The following DLGAP1 variants were observed in gnomAD, a reference collection of about 807,000 sequenced individuals.
The protein encoded by DLGAP1 is disks large-associated protein 1.
Under a neutral mutation model 90.8 loss-of-function variants are expected in DLGAP1, and 11 were observed. That is an observed-to-expected ratio of 0.12 (90% CI 0.08 to 0.20). The LOEUF is 0.20. Among genes scored for constraint, DLGAP1 ranks in the 10% least tolerant of loss-of-function variants. The pLI is 1.00. For missense variants in DLGAP1, 1,050 were observed against 1,333.8 expected (o/e 0.79, Z 3.31); for synonymous variants, 558 against 540.7 (o/e 1.03, Z -0.44).
At chr18:3,738,258 G>T (rs1375319005) in intron 6 of DLGAP1, among the ~76,000 whole-genome samples, 1 of 147,484 alleles carries the variant, frequency 6.8e-6, no homozygotes, top group Non-Finnish European at 1.5e-5. Flanking sequence ...TTTCTTCACA[G>T]AATTGGAAAA....
chr18:4,093,954 CAATTT>C (rs1258549361), intron 2 of DLGAP1, among the ~76,000 whole-genome samples: 4 of 152,148 alleles, frequency 2.6e-5, no homozygotes, highest in East Asian at 1.9e-4. Flanking sequence ...TTTTAAACTT[CAATTT>C]AATTTAAGAC....
intron 1 of DLGAP1, among the ~76,000 whole-genome samples, chr18:4,205,779 C>T (rs1305291012): frequency 1.3e-5 from 2 of 152,196 alleles, no homozygotes; most frequent in Non-Finnish European, 2.9e-5. Flanking sequence ...GAGAATGTTT[C>T]CATTTCACCC....
intron 7 of DLGAP1, among the ~76,000 whole-genome samples, chr18:3,636,976 G>C (rs1238674858): frequency 6.6e-6 from 1 of 151,986 alleles, no homozygotes; most frequent in African/African-American, 2.4e-5. Flanking sequence ...ACCCGCCTCG[G>C]CATCCCAAAA....
chr18:3,590,937 T>C (rs1304396106), intron 7 of DLGAP1, among the ~76,000 whole-genome samples: 3 of 151,882 alleles, frequency 2.0e-5, no homozygotes, highest in Non-Finnish European at 4.4e-5. Flanking sequence ...TTTTATAGAG[T>C]GTTTTACCTG....
intron 3 of DLGAP1, among the ~76,000 whole-genome samples, chr18:3,998,676 A>T (rs757076580): frequency 9.9e-5 from 15 of 152,144 alleles, no homozygotes; most frequent in Non-Finnish European, 1.5e-5. Context: ...CAAGTAGAGG[A>T]CTTTTTTCAC....
intron 7 of DLGAP1, among the ~76,000 whole-genome samples, chr18:3,585,487 G>A (rs573174367): frequency 9.2e-5 from 14 of 152,320 alleles, no homozygotes; most frequent in Admixed American, 2.6e-4. Flanking sequence ...TCTTTACAAC[G>A]TGAACTCACT....
rs75933561 is a variant in DLGAP1 at position 4,087,028 on chromosome 18, G to T, written c.-159+64152C>A. The stretch of plus-strand genomic sequence containing the variant: ...TAGTTCTGAAGTCTACCTTGTCTGA[G>T]ATATATATATATACACAAACACATA... On this transcript the variant is annotated intron_variant, in intron 2 of 12. Coordinates refer to ENST00000315677, the MANE Select transcript of DLGAP1 (RefSeq NM_004746.4). 4.1e-5 allele frequency among the ~76,000 whole-genome samples: 5 copies of T among 121,936 alleles called. 1 individual carries two copies. The highest frequency in any genetic ancestry group is 8.1e-5 in the Admixed American group (1 of 12,390). The allele number at this position is 121,936 out of a possible 152,430, so 80.0% of individuals were successfully genotyped here. A position where few individuals can be genotyped will look rare whatever the true frequency, so the allele number is the denominator to read the frequency against.
At chr18:4,233,096 C>G (rs1378548215) in intron 1 of DLGAP1, among the ~76,000 whole-genome samples, 1 of 152,048 alleles carries the variant, frequency 6.6e-6, no homozygotes. Context: ...TCTCCCATAC[C>G]TTTCATCCAT....
intron 1 of DLGAP1, among the ~76,000 whole-genome samples, chr18:4,379,339 T>G (rs1387911687): frequency 6.6e-6 from 1 of 152,138 alleles, no homozygotes; most frequent in Non-Finnish European, 1.5e-5. Flanking sequence ...TGTGTCTTCA[T>G]TTTCTTTGGT....
At chr18:4,072,577 C>T (rs1289033295) in intron 2 of DLGAP1, among the ~76,000 whole-genome samples, 1 of 151,612 alleles carries the variant, frequency 6.6e-6, no homozygotes, top group Non-Finnish European at 1.5e-5. Flanking sequence ...TCAAGTGATT[C>T]TTCTGCCTCA....
intron 7 of DLGAP1, among the ~76,000 whole-genome samples, chr18:3,680,788 CA>C (rs71160910): frequency 4.7e-3 from 448 of 94,708 alleles, no homozygotes; most frequent in African/African-American, 0.012. Flanking sequence ...GACTCCGTCT[CA>C]AAAAAAAAAA....
chr18:3,673,671 C>T (rs574804867), intron 7 of DLGAP1, among the ~76,000 whole-genome samples: 28 of 151,926 alleles, frequency 1.8e-4, no homozygotes, highest in African/African-American at 3.9e-4. Flanking sequence ...CTCAGCTTCC[C>T]GAGCAGCTGG....
intron 4 of DLGAP1, among the ~76,000 whole-genome samples, chr18:3,833,626 T>C (rs2052353): frequency 0.021 from 3,238 of 152,306 alleles, 91 homozygotes; most frequent in East Asian, 0.07. Flanking sequence ...GGGAGGCATT[T>C]GGGTATCATG....
At chr18:3,522,662 C>T (rs1023464730) in intron 10 of DLGAP1, among the ~76,000 whole-genome samples, 5 of 151,336 alleles carry the variant, frequency 3.3e-5, no homozygotes, top group Middle Eastern at 3.2e-3. Context: ...CCCACCTCAG[C>T]TTCCCAAGTA....
chr18:3,969,664 A>G (rs1468238061), intron 3 of DLGAP1, among the ~76,000 whole-genome samples: 1 of 152,168 alleles, frequency 6.6e-6, no homozygotes, highest in African/African-American at 2.4e-5. Context: ...AGAAATTAGC[A>G]CAGATGCAGC....
At chr18:4,317,823 T>C (rs141491500) in intron 1 of DLGAP1, among the ~76,000 whole-genome samples, 1 of 152,262 alleles carries the variant, frequency 6.6e-6, no homozygotes, top group African/African-American at 2.4e-5. Flanking sequence ...GTAAAATATA[T>C]AAAAAGAGCT....
rs186616295 is a variant in DLGAP1 at position 3,996,210 on chromosome 18, A to C, written c.-73+8906T>G. 2.0e-3 allele frequency among the ~76,000 whole-genome samples: 303 copies of C among 152,298 alleles called. 2 individuals are homozygous for C. The highest frequency in any genetic ancestry group is 7.1e-3 in the African/African-American group (295 of 41,576). On this transcript the variant is annotated intron_variant, in intron 3 of 12. Transcript: ENST00000315677. ...TTTTAATTGAAAAATATTTTAAACA[A>C]GTCAATTCTGATAAGATGTAGAAAT... is the stretch of plus-strand genomic sequence containing the variant.
intron 9 of DLGAP1, among the ~76,000 whole-genome samples, chr18:3,547,192 T>G (rs9959002): frequency 0.4 from 59,524 of 150,380 alleles, 13,234 homozygotes; most frequent in African/African-American, 0.61. Flanking sequence ...TCCCAGCTAC[T>G]CGGGAGGCTG....
chr18:4,320,574 T>C (rs907032725), intron 1 of DLGAP1, among the ~76,000 whole-genome samples: 3 of 152,138 alleles, frequency 2.0e-5, no homozygotes, highest in South Asian at 2.1e-4. Flanking sequence ...GTATAATCAA[T>C]GTGCCTGAGT....
Sources: allele counts gnomAD v4.1 joint callset (sites outside exome capture counted in the v4.1 genomes callset), GRCh38; gene constraint gnomAD v4.1.1; transcripts MANE v1.5; gene names NCBI Gene and HGNC (gene_info 2026-07-23, HGNC 2026-07-21).